The following EMC3 variants were observed in gnomAD, a reference collection of about 807,000 sequenced individuals.
EMC3 encodes 30 kDa protein.
EMC3 carries 13 observed loss-of-function variants against 36.6 expected under a neutral mutation model. That is an observed-to-expected ratio of 0.35 (90% CI 0.23 to 0.56). EMC3 has a LOEUF of 0.56. Ranked by LOEUF, EMC3 falls within the 20% of genes least tolerant of loss-of-function variation. The pLI, the probability that EMC3 is intolerant of heterozygous loss-of-function variation, is 0.84. For missense variants in EMC3, 220 were observed against 324.5 expected, an observed-to-expected ratio of 0.68 and a Z score of 2.47; for synonymous variants, 120 against 111.9, an observed-to-expected ratio of 1.07 and a Z score of -0.46.
chr3:9,999,431 A>G (rs1176269528), intron 1 of EMC3, among the ~76,000 whole-genome samples: 4 of 151,988 alleles, frequency 2.6e-5, no homozygotes, highest in African/African-American at 4.8e-5. Context: ...TAGTAGAGAC[A>G]GGTTTTCACA....
intron 7 of EMC3, among the ~76,000 whole-genome samples, chr3:9,966,099 T>C (rs193062065): frequency 6.6e-6 from 1 of 152,322 alleles, no homozygotes; most frequent in African/African-American, 2.4e-5. Flanking sequence ...AAAAACTGTT[T>C]TCCAAAGTGG....
intron 5 of EMC3, 136 bp downstream of exon 5, chr3:9,973,492 C>A: frequency 2.7e-6 from 2 of 729,960 alleles, no homozygotes; most frequent in East Asian, 2.7e-5. Context: ...CTGCGCCCGG[C>A]CTGTTTTCGT....
chr3:9,998,859 C>T (rs1242899144), intron 1 of EMC3, among the ~76,000 whole-genome samples: 4 of 152,116 alleles, frequency 2.6e-5, no homozygotes, highest in Non-Finnish European at 5.9e-5. Flanking sequence ...GAGGCTCAAG[C>T]GATCCTCTCA....
chr3:9,985,252 C>A (rs972608096), intron 1 of EMC3, among the ~76,000 whole-genome samples: 3 of 152,138 alleles, frequency 2.0e-5, no homozygotes, highest in South Asian at 4.1e-4. Context: ...AACTTAAGTA[C>A]AGTAGAAACA....
upstream of EMC3, among the ~76,000 whole-genome samples, chr3:9,991,384 C>T (rs1333433883): frequency 6.6e-6 from 1 of 152,154 alleles, no homozygotes; most frequent in Non-Finnish European, 1.5e-5. Flanking sequence ...CAGGGGTAAT[C>T]ATCCTTCCAA....
At chr3:9,999,065 C>G (rs370280331) in intron 1 of EMC3, among the ~76,000 whole-genome samples, 2 of 151,952 alleles carry the variant, frequency 1.3e-5, no homozygotes, top group African/African-American at 4.8e-5. Context: ...GCCCTTTGCC[C>G]GTTTTTAAAT....
chr3:9,981,122 A>C (rs1470626650), intron 1 of EMC3, among the ~76,000 whole-genome samples: 1 of 152,180 alleles, frequency 6.6e-6, no homozygotes, highest in East Asian at 1.9e-4. Context: ...GGATCACTTG[A>C]GCCCGGGAGA....
intron 1 of EMC3, among the ~76,000 whole-genome samples, chr3:10,001,754 A>G (rs1231306414): frequency 6.6e-6 from 1 of 151,770 alleles, no homozygotes; most frequent in Non-Finnish European, 1.5e-5. Context: ...TTCCAGCACT[A>G]TGAGAGACCG....
upstream of EMC3, among the ~76,000 whole-genome samples, chr3:9,990,649 A>G (rs1185857291): frequency 3.9e-5 from 6 of 152,110 alleles, no homozygotes; most frequent in Non-Finnish European, 8.8e-5. Context: ...AGCTGGGATT[A>G]TAGGTGCCTG....
intron 4 of EMC3, among the ~76,000 whole-genome samples, chr3:9,973,952 A>C (rs2085817043): frequency 6.6e-6 from 1 of 152,210 alleles, no homozygotes; most frequent in African/African-American, 2.4e-5. Flanking sequence ...CTGTGACCTG[A>C]AATTTGGAAA....
intron 7 of EMC3, 150 bp downstream of exon 7, chr3:9,969,569 G>T (rs1559349438): frequency 1.3e-6 from 2 of 1,524,674 alleles, no homozygotes; most frequent in Non-Finnish European, 1.8e-6. Flanking sequence ...TCTGTCTCAG[G>T]AAAGAGAGAC....
At chr3:9,988,365 C>T (rs2086004147), upstream of EMC3, 5 of 1,136,778 alleles carry the variant, frequency 4.4e-6, no homozygotes, top group Admixed American at 8.5e-5. Flanking sequence ...CTCTCTGCTA[C>T]TTGTAATTCC....
intron 1 of EMC3, among the ~76,000 whole-genome samples, chr3:9,996,023 G>T (rs1344816752): frequency 3.3e-5 from 5 of 152,158 alleles, no homozygotes; most frequent in African/African-American, 1.2e-4. Context: ...CTGTCTATTA[G>T]GGTAGAGATG....
chr3:9,978,886 T>A (rs764011329), intron 1 of EMC3, among the ~76,000 whole-genome samples: 3 of 152,140 alleles, frequency 2.0e-5, no homozygotes, highest in Non-Finnish European at 4.4e-5. Context: ...GCTTCCTGTC[T>A]CTACTCAATA....
At chr3:9,974,246 A>C (rs1575677097) in intron 4 of EMC3, 138 bp downstream of exon 4, 1 of 633,422 alleles carries the variant, frequency 1.6e-6, no homozygotes, top group East Asian at 2.7e-5. Flanking sequence ...AAAAGCCGTA[A>C]AAGTCATCAC....
chr3:9,983,174 G>A (rs1056721399), intron 1 of EMC3, among the ~76,000 whole-genome samples: 1 of 150,470 alleles, frequency 6.6e-6, no homozygotes, highest in African/African-American at 2.4e-5. Flanking sequence ...TTGAGACAGA[G>A]CCTCCTTCTG....
At chr3:9,978,862 A>AC (rs367603098) in intron 1 of EMC3, among the ~76,000 whole-genome samples, 33,571 of 151,914 alleles carry the variant, frequency 0.22, 4,298 homozygotes, top group African/African-American at 0.35. Context: ...AAACAAACAA[A>AC]AAAACTGTGC....
intron 3 of EMC3, among the ~76,000 whole-genome samples, chr3:9,974,749 G>A (rs917470306): frequency 6.6e-6 from 1 of 151,946 alleles, no homozygotes; most frequent in African/African-American, 2.4e-5. Context: ...TAGTAGAGAC[G>A]GGGTTTCACC....
intron 1 of EMC3, among the ~76,000 whole-genome samples, chr3:9,978,967 C>T (rs1325412284): frequency 1.3e-5 from 2 of 152,214 alleles, no homozygotes; most frequent in Admixed American, 6.5e-5. Context: ...CTAGTTTCTC[C>T]ACATGCTGGG....
Sources: gnomAD v4.1 joint callset for allele counts (sites outside exome capture counted in the v4.1 genomes callset) on GRCh38, gnomAD v4.1.1 for gene constraint, MANE v1.5 for transcripts, NCBI Gene and HGNC (gene_info 2026-07-23, HGNC 2026-07-21) for gene names.